The following AP3B1 variants were observed in gnomAD, a reference collection of about 807,000 sequenced individuals.
AP3B1 encodes the protein AP-3 complex subunit beta-1.
AP3B1 carries 61 observed loss-of-function variants against 132.5 expected under a neutral mutation model. That is an observed-to-expected ratio of 0.46 (90% confidence interval 0.37 to 0.57). The LOEUF (loss-of-function observed/expected upper bound fraction) is 0.57, where lower values mean the gene tolerates loss of function less well. Among genes scored for constraint, AP3B1 ranks in the 20% least tolerant of loss-of-function variants. The probability of loss-of-function intolerance (pLI) is 0.00; values close to 1 mark genes in which losing one functional copy is unlikely to be tolerated. For missense variants in AP3B1, 1,120 were observed against 1,289.4 expected (o/e 0.87, Z 2.01); for synonymous variants, 388 against 438.3 (o/e 0.89, Z 1.43).
chr5:78,006,105 T>C (rs999392946), intron 26 of AP3B1, among the ~76,000 whole-genome samples: 1 of 152,210 alleles, frequency 6.6e-6, no homozygotes, highest in African/African-American at 2.4e-5. Context: ...AAGCACTTAC[T>C]GTGTTCTGGC....
At chr5:78,210,609 T>C (rs1430974452) in intron 7 of AP3B1, among the ~76,000 whole-genome samples, 3 of 152,148 alleles carry the variant, frequency 2.0e-5, no homozygotes, top group Non-Finnish European at 4.4e-5. Flanking sequence ...GGTAAATATT[T>C]AGAGTTTTAA....
intron 15 of AP3B1, among the ~76,000 whole-genome samples, chr5:78,130,133 A>G (rs1752627638): frequency 1.3e-5 from 2 of 152,156 alleles, no homozygotes; most frequent in Non-Finnish European, 2.9e-5. Context: ...AAATGTTAAC[A>G]AAACAGGTTT....
At chr5:78,072,598 T>A (rs1187858489) in intron 22 of AP3B1, among the ~76,000 whole-genome samples, 1 of 151,908 alleles carries the variant, frequency 6.6e-6, no homozygotes. Context: ...AGTCATAAAT[T>A]CAGTAATGAA....
intron 22 of AP3B1, among the ~76,000 whole-genome samples, chr5:78,085,760 T>C (rs1453434481): frequency 6.6e-6 from 1 of 152,152 alleles, no homozygotes; most frequent in Non-Finnish European, 1.5e-5. Context: ...TTAACCATGG[T>C]GAACGTGACA....
chr5:78,073,266 A>G (rs1749623034), intron 22 of AP3B1, among the ~76,000 whole-genome samples: 1 of 152,228 alleles, frequency 6.6e-6, no homozygotes, highest in African/African-American at 2.4e-5. Flanking sequence ...CTATTAGAAT[A>G]AGAATTATTA....
rs956375959 is a variant in AP3B1, at chr5:78,131,541, GACA to G, written c.1651-2237_1651-2235del. On this transcript the variant is annotated intron_variant, in intron 15 of 26. Transcript: ENST00000255194. ...GTCAATAAAAAGTTTTTACAATATT[GACA>G]ACATTTTCAAATAATTATTTTATTT... Among the ~76,000 whole-genome samples the G allele has an allele frequency of 1.1e-4, 17 of 151,966 alleles. No individual in the cohort carries two copies. The South Asian group carries it at 2.1e-3, about 19-fold the overall frequency.
intron 3 of AP3B1, among the ~76,000 whole-genome samples, chr5:78,239,956 G>A (rs1328638978): frequency 2.0e-5 from 3 of 151,938 alleles, no homozygotes; most frequent in African/African-American, 7.3e-5. Flanking sequence ...AAATCATCAC[G>A]CAAAATAGAA....
intron 11 of AP3B1, among the ~76,000 whole-genome samples, chr5:78,166,640 C>A (rs954936193): frequency 1.3e-5 from 2 of 152,048 alleles, no homozygotes; most frequent in Non-Finnish European, 2.9e-5. Context: ...AGAAGCAAAT[C>A]AAGATGTGAA....
At chr5:78,158,626 A>G (rs1263599249) in intron 13 of AP3B1, among the ~76,000 whole-genome samples, 1 of 152,136 alleles carries the variant, frequency 6.6e-6, no homozygotes, top group Non-Finnish European at 1.5e-5. Context: ...GTATAACTTT[A>G]CCCAGAATTC....
intron 21 of AP3B1, among the ~76,000 whole-genome samples, chr5:78,097,388 G>T (rs1439535105): frequency 7.6e-6 from 1 of 131,956 alleles, no homozygotes; most frequent in Admixed American, 7.2e-5. Flanking sequence ...GAGGTAGGGG[G>T]TCAGCCCCCC....
intron 25 of AP3B1, among the ~76,000 whole-genome samples, chr5:78,017,337 T>C (rs1746902458): frequency 6.6e-6 from 1 of 152,088 alleles, no homozygotes; most frequent in Non-Finnish European, 1.5e-5. Flanking sequence ...TGCTGTTTTA[T>C]TGTTATAGGC....
intron 2 of AP3B1, among the ~76,000 whole-genome samples, chr5:78,259,238 C>T (rs1434114124): frequency 6.8e-6 from 1 of 146,426 alleles, no homozygotes; most frequent in African/African-American, 2.5e-5. Flanking sequence ...CAGAGCAAGA[C>T]TCCATCTCAA....
chr5:78,039,094 C>T lies in AP3B1; in HGVS notation c.2758G>A (p.Gly920Arg). ...TDRKIENIHI[G>R]EKKLPIGMKM... Reference sequence around the variant, plus strand: ...ATGCCTATAGGAAGTTTTTTTTCCCCTATGTGGATATTTTCTATCTTTCGA... The same window carrying T: ...ATGCCTATAGGAAGTTTTTTTTCCCTTATGTGGATATTTTCTATCTTTCGA... The change falls in exon 23 of 27, where the codon GGG becomes AGG. Residue 920 changes from glycine to arginine, a missense_variant. By Grantham distance (125) the Gly-to-Arg change is moderately radical (BLOSUM62 -2). Coordinates refer to ENST00000255194, the MANE Select transcript of AP3B1 (RefSeq NM_003664.5). The T allele has an allele frequency of 1.9e-6, 3 of 1,610,804 alleles. No homozygotes were observed. Among genetic ancestry groups the T allele is most frequent in the Non-Finnish European group, 2.5e-6 (3 of 1,178,378 alleles).
chr5:78,193,770 A>ATATATATATATATATATTTTTT, intron 7 of AP3B1, among the ~76,000 whole-genome samples: 2 of 67,214 alleles, frequency 3.0e-5, no homozygotes, highest in African/African-American at 1.0e-4. Flanking sequence ...ATATATATAT[A>ATATATATATATATATATTTTTT]TTTTTTTTTT....
chr5:78,067,953 G>GAA (rs113086510), intron 22 of AP3B1, among the ~76,000 whole-genome samples: 22,658 of 141,566 alleles, frequency 0.16, 1,963 homozygotes, highest in Admixed American at 0.27. Context: ...AAAACCCTTC[G>GAA]AAAAAAAAAA....
intron 14 of AP3B1, among the ~76,000 whole-genome samples, chr5:78,143,358 TG>T (rs1265874088): frequency 9.9e-5 from 15 of 152,130 alleles, no homozygotes; most frequent in Admixed American, 2.0e-4. Context: ...TAAATCACAA[TG>T]CTCACAATAA....
At position 78,053,629 on chromosome 5, in the gene AP3B1, G is replaced by A. The variant is rs896834119; in HGVS notation, c.2578-14355C>T. Among the ~76,000 whole-genome samples, 31 of 143,198 alleles carry A rather than the reference G, an allele frequency of 2.2e-4. 1 individual carries two copies. The highest frequency in any genetic ancestry group is 4.1e-4 in the Non-Finnish European group (27 of 66,592). The allele number at this position is 143,198 out of a possible 152,430, so 93.9% of individuals were successfully genotyped here. A position where few individuals can be genotyped will look rare whatever the true frequency, so the allele number is the denominator to read the frequency against. On this transcript the variant is annotated intron_variant, in intron 22 of 26. Transcript: ENST00000255194. ...TGGGAGGCGGAGGTTACAGTGAGCC[G>A]AGATTGCACCATTGTACTCCAGCCT... is the stretch of plus-strand genomic sequence containing the variant.
rs1747111104 is a variant in AP3B1 at position 78,241,026 on chromosome 5, C to A, written c.205-90G>T. The A allele has an allele frequency of 3.4e-6, 3 of 886,826 alleles. No homozygotes were observed. In the Admixed American group the frequency reaches 5.7e-5, roughly 17 times the overall value. The allele number at this position is 886,826 out of a possible 1,614,324, so 54.9% of individuals were successfully genotyped here. ...GTCAACAAATAAGCTACGTAATTAA[C>A]CGCTGAACTCTTTTTGAATCATCTT... is the stretch of plus-strand genomic sequence containing the variant. On this transcript the variant is annotated intron_variant, in intron 2 of 26. Coordinates refer to ENST00000255194, the MANE Select transcript of AP3B1 (RefSeq NM_003664.5).
At chr5:78,230,205 G>T (rs1402917422) in intron 3 of AP3B1, among the ~76,000 whole-genome samples, 4 of 152,094 alleles carry the variant, frequency 2.6e-5, no homozygotes, top group African/African-American at 9.7e-5. Flanking sequence ...TAAATGAAAG[G>T]CAAAATCTTC....
Sources: gnomAD v4.1 joint callset for allele counts (sites outside exome capture counted in the v4.1 genomes callset) on GRCh38, gnomAD v4.1.1 for gene constraint, MANE v1.5 for transcripts, NCBI Gene and HGNC (gene_info 2026-07-23, HGNC 2026-07-21) for gene names.